The following PLD5 variants were observed in gnomAD, a reference collection of about 807,000 sequenced individuals.
The protein encoded by PLD5 is phospholipase D family member 5, also known as inactive phospholipase D5.
Under a neutral mutation model 61.1 loss-of-function variants are expected in PLD5, and 36 were observed. The observed-to-expected ratio is 0.59, with a 90% CI of 0.45 to 0.78. PLD5 has a LOEUF of 0.78. Among genes scored for constraint, PLD5 ranks in the 30% least tolerant of loss-of-function variants. The probability of loss-of-function intolerance (pLI) is 0.00; values close to 1 mark genes in which losing one functional copy is unlikely to be tolerated. For missense variants in PLD5, 515 were observed against 644.4 expected, an observed-to-expected ratio of 0.80 and a Z score of 2.17; for synonymous variants, 243 against 242.8, an observed-to-expected ratio of 1.00 and a Z score of -0.01.
intron 1 of PLD5, among the ~76,000 whole-genome samples, chr1:242,508,240 G>A (rs1041184383): frequency 8.6e-5 from 13 of 152,024 alleles, no homozygotes; most frequent in African/African-American, 2.9e-4. Context: ...GGGCATGGTG[G>A]TGGGCACCTG....
At chr1:242,303,381 A>G (rs1316183015) in intron 2 of PLD5, among the ~76,000 whole-genome samples, 1 of 152,236 alleles carries the variant, frequency 6.6e-6, no homozygotes, top group Non-Finnish European at 1.5e-5. Context: ...GCAAACTAGG[A>G]AATGGAGCTC....
intron 1 of PLD5, among the ~76,000 whole-genome samples, chr1:242,476,179 A>AC (rs1667590243): frequency 6.6e-6 from 1 of 152,058 alleles, no homozygotes; most frequent in Non-Finnish European, 1.5e-5. Context: ...ACATGGTGAA[A>AC]CCCCGTCTCT....
intron 5 of PLD5, among the ~76,000 whole-genome samples, chr1:242,132,732 CACTTA>C (rs1663391348): frequency 6.6e-6 from 1 of 152,148 alleles, no homozygotes; most frequent in Admixed American, 6.5e-5. Flanking sequence ...TGGTTTATAC[CACTTA>C]ACTTCTTGAT....
intron 2 of PLD5, among the ~76,000 whole-genome samples, chr1:242,334,040 G>A (rs142138333): frequency 6.6e-6 from 1 of 152,216 alleles, no homozygotes; most frequent in African/African-American, 2.4e-5. Context: ...GAATCAGATG[G>A]TAGAGAACTA....
At chr1:242,391,216 C>T (rs2149264546) in intron 1 of PLD5, among the ~76,000 whole-genome samples, 1 of 152,182 alleles carries the variant, frequency 6.6e-6, no homozygotes, top group South Asian at 2.1e-4. Context: ...AAAGTTGTGG[C>T]TCCTGTTGTA....
In PLD5 at chr1:242,328,038, G is replaced by T. The variant is rs558015465; in HGVS notation, c.326+20068C>A. On this transcript the variant is annotated intron_variant, in intron 2 of 9. Transcript: ENST00000536534. ...TGCAGGAAGTCATGGTTGCACCACC[G>T]CACTCCAGCCTGGGTGACAGAGGAG... Among the ~76,000 whole-genome samples the T allele has an allele frequency of 3.3e-5, 5 of 152,210 alleles. No homozygotes were observed. The East Asian group carries it at 9.7e-4, about 29-fold the overall frequency.
intron 5 of PLD5, among the ~76,000 whole-genome samples, chr1:242,170,836 G>A (rs1666695226): frequency 6.7e-6 from 1 of 150,252 alleles, no homozygotes; most frequent in African/African-American, 2.4e-5. Context: ...ATGAAATAAA[G>A]CGAGAAAAAA....
intron 1 of PLD5, among the ~76,000 whole-genome samples, chr1:242,357,910 G>T (rs979635170): frequency 5.3e-5 from 8 of 152,090 alleles, no homozygotes; most frequent in Admixed American, 3.9e-4. Flanking sequence ...AATTCCCACG[G>T]TCATACTTTA....
chr1:242,170,177 T>G (rs398730), intron 5 of PLD5, among the ~76,000 whole-genome samples: 127,383 of 151,812 alleles, frequency 0.84, 53,928 homozygotes, highest in African/African-American at 0.95. Context: ...ACCTCATGCA[T>G]TAGAGCTCCA....
chr1:242,361,189 A>T (rs1230739613), intron 1 of PLD5, among the ~76,000 whole-genome samples: 1 of 152,172 alleles, frequency 6.6e-6, no homozygotes, highest in Admixed American at 6.5e-5. Flanking sequence ...ATATTATTAA[A>T]TTCCATTAAA....
At chr1:242,364,510 G>A (rs2260491) in intron 1 of PLD5, among the ~76,000 whole-genome samples, 121,468 of 151,816 alleles carry the variant, frequency 0.8, 49,509 homozygotes, top group Non-Finnish European at 0.88. Flanking sequence ...TGAGGCCAGG[G>A]GTTCGAGACC....
intron 2 of PLD5, among the ~76,000 whole-genome samples, chr1:242,292,441 T>C (rs1675422603): frequency 6.6e-6 from 1 of 152,180 alleles, no homozygotes; most frequent in Non-Finnish European, 1.5e-5. Context: ...GAATATAGTA[T>C]AATTGTACAA....
At chr1:242,155,213 TTG>T (rs1260133485) in intron 5 of PLD5, among the ~76,000 whole-genome samples, 3 of 152,106 alleles carry the variant, frequency 2.0e-5, no homozygotes, top group African/African-American at 7.2e-5. Context: ...ATAATTTTTT[TTG>T]TGTGTCTATT....
At chr1:242,335,490 T>C (rs939514950) in intron 2 of PLD5, among the ~76,000 whole-genome samples, 1 of 152,178 alleles carries the variant, frequency 6.6e-6, no homozygotes. Context: ...GACTAAATAA[T>C]GTGAAAATCA....
chr1:242,530,511 A>G, the PLD5 span, among the ~76,000 whole-genome samples: 1 of 152,012 alleles, frequency 6.6e-6, no homozygotes, highest in African/African-American at 2.4e-5. Context: ...GGATTAGGTT[A>G]ATCAGACAGT....
chr1:242,098,206 G>A (rs990746060), intron 9 of PLD5, among the ~76,000 whole-genome samples: 10 of 152,286 alleles, frequency 6.6e-5, no homozygotes, highest in South Asian at 2.1e-4. Context: ...CCAATCAGAC[G>A]TAGATTTGGT....
intron 5 of PLD5, among the ~76,000 whole-genome samples, chr1:242,186,872 A>G (rs1359012682): frequency 6.6e-6 from 1 of 152,226 alleles, no homozygotes; most frequent in Non-Finnish European, 1.5e-5. Context: ...TGAGGCAAAT[A>G]AGCAAACAAA....
intron 2 of PLD5, among the ~76,000 whole-genome samples, chr1:242,297,461 C>A (rs1675748752): frequency 7.1e-6 from 1 of 140,428 alleles, no homozygotes. Context: ...GGCTAGAGAA[C>A]AGAGTGATCA....
intron 1 of PLD5, among the ~76,000 whole-genome samples, chr1:242,490,994 C>T (rs561570728): frequency 6.6e-6 from 1 of 152,280 alleles, no homozygotes; most frequent in South Asian, 2.1e-4. Context: ...CCCACATATA[C>T]CTTTGGGACA....
Sources: gnomAD v4.1 joint callset for allele counts (sites outside exome capture counted in the v4.1 genomes callset) on GRCh38, gnomAD v4.1.1 for gene constraint, MANE v1.5 for transcripts, NCBI Gene and HGNC (gene_info 2026-07-23, HGNC 2026-07-21) for gene names.